FTCDNL1: variants seen among roughly 807,000 people sequenced by gnomAD.
FTCDNL1 encodes the protein formiminotransferase cyclodeaminase N-terminal like, also known as formiminotransferase N-terminal subdomain-containing protein.
In FTCDNL1, 11 loss-of-function variants were observed where a neutral mutation model predicts 5.9. The observed-to-expected ratio is 1.87, with a 90% CI of 1.18 to 3.10. The LOEUF (loss-of-function observed/expected upper bound fraction) is 3.10. FTCDNL1 is among the 30% of genes most tolerant of loss of function. The probability of loss-of-function intolerance (pLI) is 0.00; values close to 1 mark genes in which losing one functional copy is unlikely to be tolerated. For synonymous variants in FTCDNL1, 58 were observed against 24.8 expected (o/e 2.34, Z -3.99); for missense variants, 115 against 65.5 (o/e 1.76, Z -2.61).
the FTCDNL1 span, among the ~76,000 whole-genome samples, chr2:199,694,465 T>C: frequency 1.3e-4 from 20 of 152,286 alleles, no homozygotes; most frequent in Non-Finnish European, 2.5e-4. Flanking sequence ...GCCTTCCTGC[T>C]TCTAATCTTA....
At chr2:199,688,073 C>T in the FTCDNL1 span, among the ~76,000 whole-genome samples, 6 of 151,650 alleles carry the variant, frequency 4.0e-5, no homozygotes, top group East Asian at 1.2e-3. Context: ...ATAGCGAAAC[C>T]CCATCTCTAC....
chr2:199,796,723 A>C (rs185015045), intron 3 of FTCDNL1, among the ~76,000 whole-genome samples: 1 of 152,288 alleles, frequency 6.6e-6, no homozygotes, highest in East Asian at 1.9e-4. Flanking sequence ...TCATATTACA[A>C]AATTTGCTCA....
intron 3 of FTCDNL1, among the ~76,000 whole-genome samples, chr2:199,834,907 C>T (rs1204512354): frequency 1.3e-5 from 2 of 152,192 alleles, no homozygotes; most frequent in Non-Finnish European, 2.9e-5. Flanking sequence ...TGTGTGGTGG[C>T]TCATGCCTAT....
At chr2:199,839,821 T>C (rs749412767) in intron 3 of FTCDNL1, among the ~76,000 whole-genome samples, 2 of 152,322 alleles carry the variant, frequency 1.3e-5, no homozygotes, top group East Asian at 3.9e-4. Flanking sequence ...TGGAATTCTA[T>C]AGCAAGACAA....
chr2:199,675,346 G>A, the FTCDNL1 span, among the ~76,000 whole-genome samples: 3 of 151,932 alleles, frequency 2.0e-5, no homozygotes, highest in South Asian at 4.2e-4. Context: ...TGGAATAAGT[G>A]TATATAATTA....
rs1700928791 is a variant in FTCDNL1, at chr2:199,809,767, C to G, written c.*2938G>C. Among the ~76,000 whole-genome samples the G allele has an allele frequency of 6.6e-6, 1 of 152,154 alleles. No individual in the cohort carries two copies. The highest frequency in any genetic ancestry group is 1.5e-5 in the Non-Finnish European group (1 of 68,034). Reference sequence around the variant, plus strand: ...CATCATGCCATCTCCCCAATATAAACATTTCAAAATTCTATATCTGGTTTA... The same window carrying G: ...CATCATGCCATCTCCCCAATATAAAGATTTCAAAATTCTATATCTGGTTTA... On this transcript the variant is annotated 3_prime_UTR_variant, in exon 5 of 5. Transcript: ENST00000420128.
chr2:199,729,567 C>A, the FTCDNL1 span, among the ~76,000 whole-genome samples: 1 of 152,148 alleles, frequency 6.6e-6, no homozygotes, highest in African/African-American at 2.4e-5. Flanking sequence ...AACAGACAAA[C>A]AGAGAGCCAA....
Position 199,810,845 on chromosome 2 carries a change from A to C in FTCDNL1, c.*1860T>G, listed in dbSNP as rs1700995025. On this transcript the variant is annotated 3_prime_UTR_variant, in exon 5 of 5. Coordinates refer to ENST00000420128, the MANE Select transcript of FTCDNL1 (RefSeq NM_001363886.2). ...ACTATTTCAACATTATTTTACTGTC[A>C]TTACTTTTTCTTGCTACTTTCAAAC... is the stretch of plus-strand genomic sequence containing the variant. 6.6e-6 allele frequency among the ~76,000 whole-genome samples: 1 copy of C among 152,162 alleles called. No individual in the cohort carries two copies. Among genetic ancestry groups the C allele is most frequent in the Non-Finnish European group, 1.5e-5 (1 of 68,032 alleles).
intron 3 of FTCDNL1, among the ~76,000 whole-genome samples, chr2:199,769,784 C>T (rs1447070318): frequency 6.6e-6 from 1 of 152,184 alleles, no homozygotes; most frequent in African/African-American, 2.4e-5. Flanking sequence ...GGGTACAGCA[C>T]CACCTGTGTT....
chr2:199,729,891 C>A, the FTCDNL1 span, among the ~76,000 whole-genome samples: 2 of 152,132 alleles, frequency 1.3e-5, no homozygotes, highest in African/African-American at 4.8e-5. Flanking sequence ...CCCATATAGC[C>A]AAGACAATCC....
At chr2:199,719,818 G>A in the FTCDNL1 span, among the ~76,000 whole-genome samples, 3 of 151,512 alleles carry the variant, frequency 2.0e-5, no homozygotes, top group Non-Finnish European at 2.9e-5. Flanking sequence ...AATATTTTTT[G>A]TAGATAGGAG....
At chr2:199,749,650 T>G in the FTCDNL1 span, among the ~76,000 whole-genome samples, 1 of 152,226 alleles carries the variant, frequency 6.6e-6, no homozygotes. Context: ...CATGGACTGA[T>G]TCATTGAGTC....
chr2:199,778,382 G>A (rs1699197078), intron 3 of FTCDNL1, among the ~76,000 whole-genome samples: 1 of 152,194 alleles, frequency 6.6e-6, no homozygotes, highest in African/African-American at 2.4e-5. Context: ...TCTCTACTCA[G>A]TGGGATTACG....
At chr2:199,692,120 T>C in the FTCDNL1 span, among the ~76,000 whole-genome samples, 1 of 152,180 alleles carries the variant, frequency 6.6e-6, no homozygotes. Flanking sequence ...ATTTTTTTTC[T>C]TTTTTGAGGT....
the FTCDNL1 span, among the ~76,000 whole-genome samples, chr2:199,689,498 A>T: frequency 6.6e-6 from 1 of 152,118 alleles, no homozygotes; most frequent in African/African-American, 2.4e-5. Flanking sequence ...TTTTTGATCT[A>T]CCACCTTTAG....
At chr2:199,761,696 G>A (rs72922378) in intron 3 of FTCDNL1, among the ~76,000 whole-genome samples, 4,734 of 152,158 alleles carry the variant, frequency 0.031, 121 homozygotes, top group East Asian at 0.14. Context: ...AAAATCCCAA[G>A]CCCCAACATC....
At chr2:199,676,163 A>G in the FTCDNL1 span, among the ~76,000 whole-genome samples, 6 of 152,352 alleles carry the variant, frequency 3.9e-5, no homozygotes, top group South Asian at 8.3e-4. Flanking sequence ...AGGAATGTGC[A>G]TGGTTTAAAA....
the FTCDNL1 span, among the ~76,000 whole-genome samples, chr2:199,676,838 A>C: frequency 1.3e-5 from 2 of 152,200 alleles, no homozygotes; most frequent in Non-Finnish European, 2.9e-5. Context: ...CACATGGAAA[A>C]GAAATAATGA....
downstream of FTCDNL1, among the ~76,000 whole-genome samples, chr2:199,760,239 C>A (rs868387277): frequency 1.3e-4 from 14 of 104,002 alleles, no homozygotes; most frequent in South Asian, 3.3e-3. Context: ...CTACTAAAAA[C>A]CAAACAGTAA....
Sources: allele counts gnomAD v4.1 joint callset (sites outside exome capture counted in the v4.1 genomes callset), GRCh38; gene constraint gnomAD v4.1.1; transcripts MANE v1.5; gene names NCBI Gene and HGNC (gene_info 2026-07-23, HGNC 2026-07-21).